EIF4ENIF1: variants seen among roughly 807,000 people sequenced by gnomAD.
The protein encoded by EIF4ENIF1 is eukaryotic translation initiation factor 4E transporter.
In EIF4ENIF1, 23 loss-of-function variants were observed where a neutral mutation model predicts 110.5. The ratio of observed to expected loss-of-function variants is 0.21; its 90% confidence interval spans 0.15 to 0.29. EIF4ENIF1 has a LOEUF of 0.29. Among genes scored for constraint, EIF4ENIF1 ranks in the 10% least tolerant of loss-of-function variants. The pLI, the probability that EIF4ENIF1 is intolerant of heterozygous loss-of-function variation, is 1.00. For missense variants in EIF4ENIF1, 1,031 were observed against 1,221.1 expected (o/e 0.84, Z 2.32); for synonymous variants, 440 against 437.0 (o/e 1.01, Z -0.09).
In EIF4ENIF1 at chr22:31,440,731, T is replaced by C. The variant is rs747210891; in HGVS notation, c.2689A>G (p.Met897Val). 1.4e-5 allele frequency: 22 copies of C among 1,613,830 alleles called. No homozygotes were observed. Among genetic ancestry groups the C allele is most frequent in the South Asian group, 4.4e-5 (4 of 91,076 alleles). Residue 897 changes from methionine to valine, a missense_variant, in exon 18 of 19, where the codon ATG (methionine) becomes GTG (valine). Physicochemically the swap from Met to Val is conservative, Grantham distance 21. Transcript: ENST00000330125. ...PRPGTPLHLA[M>V]VQQQLQRSVL... ...GAGCGCTGTAGCTGCTGTTGCACCA[T>C]TGCCAGATGCAGAGGTGTTCCAGGA...
At chr22:31,493,410 C>T (rs1569118254), upstream of EIF4ENIF1, among the ~76,000 whole-genome samples, 1 of 151,990 alleles carries the variant, frequency 6.6e-6, no homozygotes, top group Non-Finnish European at 1.5e-5. Context: ...CACTCAACCT[C>T]TGCCTCCTGA....
At chr22:31,482,706 T>C (rs1460418980) in intron 2 of EIF4ENIF1, among the ~76,000 whole-genome samples, 2 of 148,546 alleles carry the variant, frequency 1.3e-5, no homozygotes, top group African/African-American at 2.5e-5. Flanking sequence ...AAAAACAGAT[T>C]AGTCTATTCA....
At chr22:31,467,294 G>A (rs150094680) in intron 4 of EIF4ENIF1, among the ~76,000 whole-genome samples, 32 of 152,180 alleles carry the variant, frequency 2.1e-4, no homozygotes, top group Admixed American at 6.6e-4. Context: ...AACTAGAGCC[G>A]GGCTATCTTT....
Position 31,455,837 on chromosome 22 carries a change from C to G in EIF4ENIF1, c.1099+15G>C. 6.2e-6 allele frequency: 10 copies of G among 1,613,336 alleles called. No individual in the cohort carries two copies. The highest frequency in any genetic ancestry group is 8.5e-6 in the Non-Finnish European group (10 of 1,179,714). ...CCAGGTTTACCTTCAAGGGCAGAAT[C>G]TGAAGCCATTTTACCTGCAAGTCTC... On this transcript the variant is annotated intron_variant, in intron 8 of 18. Coordinates refer to ENST00000330125, the MANE Select transcript of EIF4ENIF1 (RefSeq NM_019843.4).
Position 31,455,142 on chromosome 22 carries a change from CTTTAAG to C in EIF4ENIF1, c.1267_1272del (p.Leu423_Lys424del). The C allele has an allele frequency of 2.0e-5, 32 of 1,610,284 alleles. No individual in the cohort carries two copies. Among genetic ancestry groups the C allele is most frequent in the Non-Finnish European group, 2.6e-5 (31 of 1,178,700 alleles). On this transcript the variant is annotated inframe_deletion, in exon 9 of 19. Transcript: ENST00000330125. The stretch of plus-strand genomic sequence containing the variant: ...GATATTCATAAACACTTACAGCTTT[CTTTAAG>C]TTTTTCTTTATTTGCAGAAAGGCTG...
At chr22:31,480,588 T>C (rs781502327) in intron 2 of EIF4ENIF1, among the ~76,000 whole-genome samples, 7 of 151,954 alleles carry the variant, frequency 4.6e-5, no homozygotes, top group Non-Finnish European at 1.0e-4. Context: ...ACCCCATCTA[T>C]ACTAAAAATA....
Position 31,440,043 on chromosome 22 carries a change from G to A in EIF4ENIF1, c.2795C>T (p.Ser932Leu). 6 of 1,614,066 alleles carry A rather than the reference G, an allele frequency of 3.7e-6. No homozygotes were observed. Among genetic ancestry groups the A allele is most frequent in the Non-Finnish European group, 5.1e-6 (6 of 1,179,950 alleles). The change falls in exon 19 of 19, where the codon TCA (serine) becomes TTA (leucine). Residue 932 changes from serine (S) to leucine (L), a missense_variant. Physicochemically the swap from Ser to Leu is moderately radical, Grantham distance 145 (BLOSUM62 -2). Coordinates refer to ENST00000330125, the MANE Select transcript of EIF4ENIF1 (RefSeq NM_019843.4). ...CTGGGAGTGCATGTGGGGCAGGCCT[G>A]ACCGGCTGGGCACGTTCTGAGGGGT... ...QTTPQNVPSR[S>L]GLPHMHSQLE...
chr22:31,448,837 A>G (rs937041760), intron 12 of EIF4ENIF1, among the ~76,000 whole-genome samples: 2 of 152,234 alleles, frequency 1.3e-5, no homozygotes, highest in Non-Finnish European at 2.9e-5. Context: ...TATATCAAAG[A>G]AAAACTTAAG....
At chr22:31,455,060 T>C in intron 9 of EIF4ENIF1, 76 bp downstream of exon 9, 1 of 1,305,590 alleles carries the variant, frequency 7.7e-7, no homozygotes, top group Non-Finnish European at 1.0e-6. Flanking sequence ...ACAGAGGTTA[T>C]GTTAGACCCA....
Position 31,450,203 on chromosome 22 carries a change from A to C in EIF4ENIF1, c.1584+86T>G. ...GCCAGGCAACACAGATCATTTTCTAAGGCCCAAAGTTGGACCACTAAGCAA... is the reference window on the plus strand; with the variant it reads ...GCCAGGCAACACAGATCATTTTCTACGGCCCAAAGTTGGACCACTAAGCAA... On this transcript the variant is annotated intron_variant, in intron 11 of 18. Transcript: ENST00000330125. The C allele has an allele frequency of 6.8e-6, 7 of 1,025,356 alleles. No individual in the cohort carries two copies. The South Asian group carries it at 9.5e-5, about 14-fold the overall frequency. 63.5% of individuals were successfully genotyped at this position (1,025,356 alleles called of 1,614,324 possible). A position where few individuals can be genotyped will look rare whatever the true frequency, so the allele number is the denominator to read the frequency against.
At chr22:31,480,681 G>A (rs1396564066) in intron 2 of EIF4ENIF1, among the ~76,000 whole-genome samples, 1 of 152,120 alleles carries the variant, frequency 6.6e-6, no homozygotes, top group Non-Finnish European at 1.5e-5. Context: ...CTTGAACCCG[G>A]GAGGCAGAGG....
chr22:31,486,994 G>A (rs1390035465), intron 2 of EIF4ENIF1, among the ~76,000 whole-genome samples: 2 of 151,902 alleles, frequency 1.3e-5, no homozygotes, highest in Non-Finnish European at 2.9e-5. Flanking sequence ...GCTGAGGCAG[G>A]AGAATCACTT....
At chr22:31,470,624 C>A (rs1042965096) in intron 3 of EIF4ENIF1, among the ~76,000 whole-genome samples, 2 of 151,010 alleles carry the variant, frequency 1.3e-5, no homozygotes, top group Admixed American at 1.3e-4. Flanking sequence ...TTAGTATTAG[C>A]CTACATTTTT....
chr22:31,470,467 C>T (rs1022640750), intron 3 of EIF4ENIF1, among the ~76,000 whole-genome samples: 2 of 151,650 alleles, frequency 1.3e-5, no homozygotes, highest in African/African-American at 2.4e-5. Flanking sequence ...TTTTAGTAGA[C>T]ACAGGGTTTC....
intron 1 of EIF4ENIF1, 161 bp from the exon 2 acceptor site, chr22:31,488,906 G>A (rs2052148389): frequency 1.3e-6 from 1 of 750,428 alleles, no homozygotes; most frequent in Admixed American, 3.0e-5. Context: ...CTTGGAGATA[G>A]AATCATTGGT....
Position 31,450,167 on chromosome 22 carries a change from CCTCT to C in EIF4ENIF1, c.1584+118_1584+121del, listed in dbSNP as rs1237314764. On this transcript the variant is annotated intron_variant, in intron 11 of 18. Coordinates refer to ENST00000330125, the MANE Select transcript of EIF4ENIF1 (RefSeq NM_019843.4). ...CAAACTATGTCAGGCAACAATATCA[CCTCT>C]CTGATTGCCAGGCAACACAGATCAT... 8 of 744,306 alleles carry C rather than the reference CCTCT, an allele frequency of 1.1e-5. No homozygotes were observed. In the African/African-American group the frequency reaches 1.2e-4, roughly 11 times the overall value. The allele number at this position is 744,306 out of a possible 1,614,324, so 46.1% of individuals were successfully genotyped here. A position where few individuals can be genotyped will look rare whatever the true frequency, so the allele number is the denominator to read the frequency against.
chr22:31,475,879 A>G (rs1205479073), intron 2 of EIF4ENIF1, among the ~76,000 whole-genome samples: 4 of 147,734 alleles, frequency 2.7e-5, no homozygotes. Context: ...AACAAAACAC[A>G]CCACGGGAGA....
At chr22:31,466,337 C>T (rs2051185848) in intron 4 of EIF4ENIF1, among the ~76,000 whole-genome samples, 5 of 151,942 alleles carry the variant, frequency 3.3e-5, no homozygotes, top group East Asian at 1.9e-4. Flanking sequence ...CGCTTGAACC[C>T]GGGAGGCAGA....
At position 31,440,960 on chromosome 22, in the gene EIF4ENIF1, T is replaced by G. The variant is rs1268251460; in HGVS notation, c.2552-92A>C. The G allele has an allele frequency of 2.0e-6, 3 of 1,527,360 alleles. No individual in the cohort carries two copies. In the African/African-American group the frequency reaches 4.1e-5, roughly 21 times the overall value. 94.6% of individuals were successfully genotyped at this position (1,527,360 alleles called of 1,614,324 possible). ...GTACAGTTTTGCTGATCTGGAAGTT[T>G]GTTAAGAATGAAGGGCTCTGCGCAG... On this transcript the variant is annotated intron_variant, in intron 17 of 18. Coordinates refer to ENST00000330125, the MANE Select transcript of EIF4ENIF1 (RefSeq NM_019843.4).
Sources: gnomAD v4.1 joint callset for allele counts (sites outside exome capture counted in the v4.1 genomes callset) on GRCh38, gnomAD v4.1.1 for gene constraint, MANE v1.5 for transcripts, NCBI Gene and HGNC (gene_info 2026-07-23, HGNC 2026-07-21) for gene names.